Variants in CADM2 observed in about 807,000 individuals in gnomAD.
The protein encoded by CADM2 is immunoglobulin superfamily member 4D.
Under a neutral mutation model 49.8 loss-of-function variants are expected in CADM2, and 12 were observed. The ratio of observed to expected loss-of-function variants is 0.24; its 90% confidence interval spans 0.15 to 0.39. The LOEUF (loss-of-function observed/expected upper bound fraction) is 0.39, where lower values mean the gene tolerates loss of function less well. Among genes scored for constraint, CADM2 ranks in the 10% least tolerant of loss-of-function variants. The pLI is 1.00. For synonymous variants in CADM2, 214 were observed against 175.4 expected, an observed-to-expected ratio of 1.22 and a Z score of -1.74; for missense variants, 378 against 492.3, an observed-to-expected ratio of 0.77 and a Z score of 2.20.
chr3:85,569,760 A>T (rs1292552477), intron 1 of CADM2, among the ~76,000 whole-genome samples: 1 of 151,828 alleles, frequency 6.6e-6, no homozygotes, highest in Admixed American at 6.6e-5. Context: ...AGAGTCAATG[A>T]TGTAACTTAG....
chr3:85,570,157 A>G (rs1003253358), intron 1 of CADM2, among the ~76,000 whole-genome samples: 6 of 152,182 alleles, frequency 3.9e-5, no homozygotes, highest in African/African-American at 1.4e-4. Context: ...GGAAAAATAG[A>G]AACATTTCCT....
chr3:85,876,332 T>C (rs1711832619), intron 3 of CADM2, among the ~76,000 whole-genome samples: 1 of 152,142 alleles, frequency 6.6e-6, no homozygotes, highest in Non-Finnish European at 1.5e-5. Flanking sequence ...TGTGGAATTT[T>C]CTCAAACGTT....
At chr3:85,940,642 A>G (rs556888221) in intron 7 of CADM2, among the ~76,000 whole-genome samples, 1 of 152,238 alleles carries the variant, frequency 6.6e-6, no homozygotes, top group South Asian at 2.1e-4. Context: ...CTATATAGAA[A>G]ACCTCTAATT....
chr3:85,426,191 G>A (rs1439025871), intron 1 of CADM2, among the ~76,000 whole-genome samples: 2 of 150,910 alleles, frequency 1.3e-5, no homozygotes, highest in Non-Finnish European at 2.9e-5. Context: ...ACTGGGGCTT[G>A]AGAGTAGTGG....
intron 2 of CADM2, among the ~76,000 whole-genome samples, chr3:85,731,069 A>G (rs1048441861): frequency 6.6e-6 from 1 of 152,160 alleles, no homozygotes; most frequent in Non-Finnish European, 1.5e-5. Context: ...TTGTTAAGTA[A>G]TAGTCATACA....
chr3:85,119,035 C>A (rs879476356), intron 1 of CADM2, among the ~76,000 whole-genome samples: 3 of 152,182 alleles, frequency 2.0e-5, no homozygotes, highest in Non-Finnish European at 2.9e-5. Context: ...AAGCTTGAGC[C>A]ACCACACCCA....
chr3:85,724,705 T>A (rs942716853), intron 1 of CADM2, among the ~76,000 whole-genome samples: 2 of 151,928 alleles, frequency 1.3e-5, no homozygotes, highest in African/African-American at 4.8e-5. Flanking sequence ...TTATAAGAAC[T>A]GCAAATTTTA....
intron 8 of CADM2, among the ~76,000 whole-genome samples, 199 bp downstream of exon 8, chr3:85,961,846 C>T (rs1355254130): frequency 1.3e-5 from 2 of 151,828 alleles, no homozygotes; most frequent in South Asian, 2.1e-4. Flanking sequence ...TTGTAACATA[C>T]ATAAAATTTT....
chr3:85,056,113 T>G (rs2036070116), intron 1 of CADM2, among the ~76,000 whole-genome samples: 1 of 152,096 alleles, frequency 6.6e-6, no homozygotes, highest in South Asian at 2.1e-4. Flanking sequence ...ACACATTAAT[T>G]ATTCCTTAAG....
chr3:85,514,905 T>C (rs764977726), intron 1 of CADM2, among the ~76,000 whole-genome samples: 8 of 152,176 alleles, frequency 5.3e-5, no homozygotes, highest in Non-Finnish European at 1.2e-4. Context: ...TTCACTGTGA[T>C]AAAGTATATC....
intron 1 of CADM2, among the ~76,000 whole-genome samples, chr3:85,118,827 G>T (rs140709809): frequency 0.03 from 4,581 of 152,264 alleles, 98 homozygotes; most frequent in South Asian, 0.044. Flanking sequence ...TCCGCTCACT[G>T]CAACCTCTGC....
chr3:85,013,328 A>G (rs1030145506), intron 1 of CADM2, among the ~76,000 whole-genome samples: 4 of 151,920 alleles, frequency 2.6e-5, no homozygotes, highest in African/African-American at 9.7e-5. Flanking sequence ...AAAATTATTT[A>G]TTTCTGATCT....
intron 8 of CADM2, among the ~76,000 whole-genome samples, chr3:86,043,656 A>T (rs1736249328): frequency 6.6e-6 from 1 of 152,204 alleles, no homozygotes; most frequent in African/African-American, 2.4e-5. Context: ...TGTAGATTCA[A>T]TGCCATCTCC....
intron 3 of CADM2, among the ~76,000 whole-genome samples, chr3:85,846,235 T>C (rs1559697591): frequency 1.3e-5 from 2 of 152,202 alleles, no homozygotes; most frequent in East Asian, 3.8e-4. Context: ...ATTTGGAATA[T>C]TTTCTAGCGT....
chr3:86,040,772 C>A (rs1442774896), intron 8 of CADM2, among the ~76,000 whole-genome samples: 1 of 152,078 alleles, frequency 6.6e-6, no homozygotes, highest in Non-Finnish European at 1.5e-5. Flanking sequence ...CTCCAAGACA[C>A]ATAATTGTCA....
At chr3:85,823,731 A>T (rs1315380739) in intron 3 of CADM2, among the ~76,000 whole-genome samples, 15 of 152,200 alleles carry the variant, frequency 9.9e-5, no homozygotes, top group Non-Finnish European at 1.5e-5. Context: ...CTATAGTACA[A>T]AGAGAATAAG....
chr3:85,231,333 A>G (rs73130735), intron 1 of CADM2, among the ~76,000 whole-genome samples: 75 of 152,270 alleles, frequency 4.9e-4, no homozygotes, highest in Non-Finnish European at 9.6e-4. Context: ...TGACATTGCT[A>G]TGTGGCCTTT....
At chr3:85,875,272 C>A (rs1258709088) in intron 3 of CADM2, among the ~76,000 whole-genome samples, 1 of 151,956 alleles carries the variant, frequency 6.6e-6, no homozygotes, top group East Asian at 1.9e-4. Context: ...TGTACTATTA[C>A]AAATGACACA....
intron 1 of CADM2, among the ~76,000 whole-genome samples, chr3:85,098,256 G>GAAA (rs5850666): frequency 8.5e-6 from 1 of 117,472 alleles, no homozygotes; most frequent in Non-Finnish European, 1.7e-5. Flanking sequence ...CATTATCGTA[G>GAAA]AAAAAAAAAA....
Sources: allele counts gnomAD v4.1 joint callset (sites outside exome capture counted in the v4.1 genomes callset), GRCh38; gene constraint gnomAD v4.1.1; transcripts MANE v1.5; gene names NCBI Gene and HGNC (gene_info 2026-07-23, HGNC 2026-07-21).